Variants in PHKB observed in about 807,000 individuals in gnomAD.
PHKB encodes phosphorylase b kinase regulatory subunit beta.
PHKB carries 122 observed loss-of-function variants against 152.1 expected under a neutral mutation model. The observed-to-expected ratio is 0.80, with a 90% CI of 0.69 to 0.93. The LOEUF is 0.93. PHKB is among the 40% of genes least tolerant of loss of function. PHKB has a pLI of 0.00. For synonymous variants in PHKB, 436 were observed against 464.9 expected (o/e 0.94, Z 0.80); for missense variants, 1,304 against 1,328.4 (o/e 0.98, Z 0.29).
intron 14 of PHKB, among the ~76,000 whole-genome samples, chr16:47,621,375 T>A (rs1337044479): frequency 6.6e-6 from 1 of 152,172 alleles, no homozygotes; most frequent in Non-Finnish European, 1.5e-5. Context: ...TATATAGCAC[T>A]CCTACAATAT....
chr16:47,698,654 AT>A (rs1275437281), intron 30 of PHKB, 66 bp downstream of exon 30: 1 of 1,273,634 alleles, frequency 7.9e-7, no homozygotes, highest in Non-Finnish European at 1.1e-6. Flanking sequence ...ATTCTTTAAA[AT>A]ATCCCTAATC....
At chr16:47,485,285 T>C (rs1597021174) in intron 1 of PHKB, among the ~76,000 whole-genome samples, 1 of 152,224 alleles carries the variant, frequency 6.6e-6, no homozygotes, top group African/African-American at 2.4e-5. Flanking sequence ...GGTTTAAGTT[T>C]TGTTTCTTTT....
intron 1 of PHKB, among the ~76,000 whole-genome samples, chr16:47,479,567 C>T (rs1235182667): frequency 6.6e-6 from 1 of 151,418 alleles, no homozygotes; most frequent in African/African-American, 2.4e-5. Flanking sequence ...AACTGCTATT[C>T]TAACAAGCTC....
intron 29 of PHKB, among the ~76,000 whole-genome samples, chr16:47,697,593 A>C (rs146990416): frequency 3.9e-5 from 6 of 152,252 alleles, no homozygotes; most frequent in Middle Eastern, 6.8e-3. Context: ...CCTGGATTTT[A>C]CTGTGTTTCC....
intron 1 of PHKB, among the ~76,000 whole-genome samples, chr16:47,468,542 A>G (rs553613806): frequency 5.5e-4 from 84 of 152,344 alleles, no homozygotes; most frequent in African/African-American, 1.9e-3. Flanking sequence ...AATCTCAGCT[A>G]CTCGGGAAGC....
At chr16:47,534,471 A>G (rs1181316335) in intron 6 of PHKB, among the ~76,000 whole-genome samples, 1 of 152,346 alleles carries the variant, frequency 6.6e-6, no homozygotes, top group East Asian at 1.9e-4. Flanking sequence ...GCACTGTTGC[A>G]TTAAAAAACT....
chr16:47,692,167 T>C (rs930573402), intron 27 of PHKB, among the ~76,000 whole-genome samples: 17 of 152,210 alleles, frequency 1.1e-4, no homozygotes, highest in African/African-American at 3.9e-4. Context: ...TAAATTTTCA[T>C]TGGTCCTCTT....
At chr16:47,461,479 G>T in intron 1 of PHKB, 53 bp downstream of exon 1, 1 of 1,577,424 alleles carries the variant, frequency 6.3e-7, no homozygotes, top group Non-Finnish European at 8.7e-7. Context: ...GTGGTGCTTC[G>T]CCTCAAGCGC....
chr16:47,666,078 A>T (rs763205324), intron 25 of PHKB: 1 of 1,363,322 alleles, frequency 7.3e-7, no homozygotes, highest in Non-Finnish European at 1.0e-6. Context: ...GGTTGCAAAG[A>T]TTTCTGGCTA....
In PHKB at chr16:47,597,424, T is replaced by C. The variant is rs566984771; in HGVS notation, c.1363+893T>C. 2.0e-5 allele frequency among the ~76,000 whole-genome samples: 3 copies of C among 152,272 alleles called. No homozygotes were observed. The South Asian group carries it at 6.2e-4, about 32-fold the overall frequency. ...AATTTGAGCTTTACATAAAATGATA[T>C]GTAAGAACAGGCAGAAGCTAACCAA... On this transcript the variant is annotated intron_variant, in intron 13 of 30. Transcript: ENST00000323584.
chr16:47,593,897 G>A (rs1972074392), intron 11 of PHKB, among the ~76,000 whole-genome samples: 1 of 152,008 alleles, frequency 6.6e-6, no homozygotes, highest in Non-Finnish European at 1.5e-5. Context: ...TTTATACTTA[G>A]GAATAGGGAA....
intron 14 of PHKB, among the ~76,000 whole-genome samples, chr16:47,634,649 A>G (rs1972885297): frequency 6.6e-6 from 1 of 152,196 alleles, no homozygotes; most frequent in Admixed American, 6.5e-5. Flanking sequence ...GTATGACCAG[A>G]GAGCATTCAT....
chr16:47,698,112 A>C (rs1209412210), intron 29 of PHKB, among the ~76,000 whole-genome samples: 1 of 152,154 alleles, frequency 6.6e-6, no homozygotes, highest in Non-Finnish European at 1.5e-5. Flanking sequence ...AAGGATTGAC[A>C]CCCAAAGGCC....
At chr16:47,541,170 C>T (rs560600159) in intron 6 of PHKB, among the ~76,000 whole-genome samples, 18 of 152,144 alleles carry the variant, frequency 1.2e-4, no homozygotes, top group South Asian at 6.2e-4. Context: ...TGACAGGCCC[C>T]GGTGTGTGAT....
Position 47,502,809 on chromosome 16 carries a change from G to A in PHKB, c.306-182G>A, listed in dbSNP as rs573999972. Among the ~76,000 whole-genome samples, 16 of 152,158 alleles carry A rather than the reference G, an allele frequency of 1.1e-4. No individual in the cohort carries two copies. In the East Asian group the frequency reaches 3.1e-3, roughly 29 times the overall value. ...AAAATCTGCCTAAGTTTCATCATAG[G>A]ATTTTTTTTTCATTGCAGCATTTCT... On this transcript the variant is annotated intron_variant, in intron 3 of 30. Coordinates refer to ENST00000323584, the MANE Select transcript of PHKB (RefSeq NM_000293.3).
At chr16:47,573,238 T>C (rs1288513578) in intron 7 of PHKB, among the ~76,000 whole-genome samples, 1 of 152,068 alleles carries the variant, frequency 6.6e-6, no homozygotes, top group Non-Finnish European at 1.5e-5. Context: ...TATGTTACCC[T>C]GGGGAAACAC....
chr16:47,634,521 C>T (rs1307683435), intron 14 of PHKB, among the ~76,000 whole-genome samples: 3 of 152,130 alleles, frequency 2.0e-5, no homozygotes, highest in African/African-American at 7.2e-5. Flanking sequence ...CGGACAGGTA[C>T]TATGAGGCAG....
intron 6 of PHKB, among the ~76,000 whole-genome samples, chr16:47,527,188 C>T (rs1970783410): frequency 6.6e-6 from 1 of 152,072 alleles, no homozygotes; most frequent in African/African-American, 2.4e-5. Context: ...AGAGGGGACA[C>T]ACATCCAAAC....
At chr16:47,636,492 G>C (rs1478922024) in intron 14 of PHKB, among the ~76,000 whole-genome samples, 1 of 152,200 alleles carries the variant, frequency 6.6e-6, no homozygotes, top group Non-Finnish European at 1.5e-5. Context: ...CACTCTTGGG[G>C]GCCTGGGAAG....
Sources: gnomAD v4.1 joint callset for allele counts (sites outside exome capture counted in the v4.1 genomes callset) on GRCh38, gnomAD v4.1.1 for gene constraint, MANE v1.5 for transcripts, NCBI Gene and HGNC (gene_info 2026-07-23, HGNC 2026-07-21) for gene names.